UBE2QL1: variants seen among roughly 807,000 people sequenced by gnomAD.
The protein encoded by UBE2QL1 is ubiquitin-conjugating enzyme E2Q-like protein 1.
In UBE2QL1, 5 loss-of-function variants were observed where a neutral mutation model predicts 12.6. That is an observed-to-expected ratio of 0.40 (90% CI 0.21 to 0.83). The LOEUF (loss-of-function observed/expected upper bound fraction) is 0.83, where lower values mean the gene tolerates loss of function less well. Among genes scored for constraint, UBE2QL1 ranks in the 40% least tolerant of loss-of-function variants. UBE2QL1 has a pLI of 0.37. For synonymous variants in UBE2QL1, 96 were observed against 94.5 expected, an observed-to-expected ratio of 1.02 and a Z score of -0.10; for missense variants, 99 against 222.6, an observed-to-expected ratio of 0.44 and a Z score of 3.53.
At position 6,494,240 on chromosome 5, in the gene UBE2QL1, T is replaced by C. The variant is rs952767778; in HGVS notation, c.*2891T>C. ...TGCACATGGTCTGTCTGTAACTTTC[T>C]AGAAGACTGAGAACTGCTTATGCCT... On this transcript the variant is annotated 3_prime_UTR_variant, in exon 2 of 2. Transcript: ENST00000399816. 4 of 152,248 alleles carry C rather than the reference T, an allele frequency of 2.6e-5. No individual in the cohort carries two copies. The highest frequency in any genetic ancestry group is 2.0e-4 in the Admixed American group (3 of 15,282). The allele number at this position is 152,248 out of a possible 1,614,324, so 9.4% of individuals were successfully genotyped here.
intron 1 of UBE2QL1, among the ~76,000 whole-genome samples, chr5:6,463,134 T>G (rs549351700): frequency 6.6e-6 from 1 of 152,370 alleles, no homozygotes; most frequent in South Asian, 2.1e-4. Flanking sequence ...CAGTCTCATT[T>G]ATTTCATTGT....
At chr5:6,473,936 A>G (rs904948703) in intron 1 of UBE2QL1, among the ~76,000 whole-genome samples, 1 of 152,216 alleles carries the variant, frequency 6.6e-6, no homozygotes, top group Non-Finnish European at 1.5e-5. Flanking sequence ...GGCAGTTTTG[A>G]TGACTTACTT....
At chr5:6,485,405 T>G (rs995119236) in intron 1 of UBE2QL1, among the ~76,000 whole-genome samples, 11 of 152,314 alleles carry the variant, frequency 7.2e-5, no homozygotes, top group African/African-American at 2.6e-4. Flanking sequence ...ACATTAAACC[T>G]TAAGAGAAAG....
At chr5:6,484,531 C>A (rs1372197156) in intron 1 of UBE2QL1, among the ~76,000 whole-genome samples, 2 of 152,170 alleles carry the variant, frequency 1.3e-5, no homozygotes, top group Non-Finnish European at 2.9e-5. Context: ...CTACTCGTTG[C>A]AAAGGTTGCC....
chr5:6,453,591 A>G (rs1054329910), intron 1 of UBE2QL1, among the ~76,000 whole-genome samples: 4 of 152,214 alleles, frequency 2.6e-5, no homozygotes, highest in Non-Finnish European at 4.4e-5. Context: ...GGAAACAGTA[A>G]AGGGCTCTGC....
At chr5:6,466,192 C>T (rs1739788635) in intron 1 of UBE2QL1, among the ~76,000 whole-genome samples, 1 of 152,228 alleles carries the variant, frequency 6.6e-6, no homozygotes, top group Non-Finnish European at 1.5e-5. Flanking sequence ...TCTTCCCCTC[C>T]CTGTTTCCTC....
chr5:6,453,771 C>T (rs1391530300), intron 1 of UBE2QL1, among the ~76,000 whole-genome samples: 1 of 152,064 alleles, frequency 6.6e-6, no homozygotes, highest in Non-Finnish European at 1.5e-5. Flanking sequence ...AATACTAGGC[C>T]TAGAAATAGC....
chr5:6,486,618 A>C (rs1734472578), intron 1 of UBE2QL1, among the ~76,000 whole-genome samples: 1 of 152,228 alleles, frequency 6.6e-6, no homozygotes, highest in South Asian at 2.1e-4. Context: ...CATAAGGAGC[A>C]GAATTATTTT....
intron 1 of UBE2QL1, among the ~76,000 whole-genome samples, chr5:6,457,073 G>C (rs10076459): frequency 6.6e-6 from 1 of 151,444 alleles, no homozygotes; most frequent in African/African-American, 2.4e-5. Context: ...GATGCCACCT[G>C]CATGGCTCCT....
intron 1 of UBE2QL1, among the ~76,000 whole-genome samples, chr5:6,457,430 T>G (rs2126328273): frequency 6.6e-6 from 1 of 152,292 alleles, no homozygotes; most frequent in African/African-American, 2.4e-5. Flanking sequence ...CCAGTTTACA[T>G]AATTACAACT....
intron 1 of UBE2QL1, among the ~76,000 whole-genome samples, chr5:6,466,276 C>G (rs1189554375): frequency 6.6e-6 from 1 of 152,244 alleles, no homozygotes; most frequent in Non-Finnish European, 1.5e-5. Context: ...GCGAACTGCT[C>G]AGCACTCAGG....
chr5:6,474,787 T>C (rs547928106), intron 1 of UBE2QL1, among the ~76,000 whole-genome samples: 4 of 152,314 alleles, frequency 2.6e-5, no homozygotes, highest in African/African-American at 9.6e-5. Context: ...TGGTGGGGCA[T>C]CACCTGGAGG....
At chr5:6,486,432 C>A (rs1734469484) in intron 1 of UBE2QL1, among the ~76,000 whole-genome samples, 1 of 152,138 alleles carries the variant, frequency 6.6e-6, no homozygotes, top group Admixed American at 6.6e-5. Flanking sequence ...GACCCCTTGT[C>A]CTCTCCCACC....
chr5:6,455,384 GAAACA>G (rs1464233639), intron 1 of UBE2QL1, among the ~76,000 whole-genome samples: 1 of 152,148 alleles, frequency 6.6e-6, no homozygotes, highest in Non-Finnish European at 1.5e-5. Context: ...TATAGTTCAG[GAAACA>G]AAACAGACAC....
chr5:6,490,287 C>T (rs1316998736), intron 1 of UBE2QL1, among the ~76,000 whole-genome samples: 1 of 152,254 alleles, frequency 6.6e-6, no homozygotes, highest in Non-Finnish European at 1.5e-5. Context: ...CTTCCATCTG[C>T]TCCTCCCCTC....
At chr5:6,457,799 A>T (rs958607975) in intron 1 of UBE2QL1, among the ~76,000 whole-genome samples, 6 of 152,256 alleles carry the variant, frequency 3.9e-5, no homozygotes, top group African/African-American at 1.4e-4. Flanking sequence ...TACCACGTGT[A>T]GCATTATTGT....
Position 6,494,331 on chromosome 5 carries a change from A to G in UBE2QL1, c.*2982A>G, listed in dbSNP as rs948288837. 6.6e-6 allele frequency: 1 copy of G among 152,030 alleles called. No homozygotes were observed. The highest frequency in any genetic ancestry group is 2.4e-5 in the African/African-American group (1 of 41,372). The allele number at this position is 152,030 out of a possible 1,614,324, so 9.4% of individuals were successfully genotyped here. A position where few individuals can be genotyped will look rare whatever the true frequency, so the allele number is the denominator to read the frequency against. ...TACACACACACGCACATGTGCCAAT[A>G]CTCCTGCAAAGACTTGCTGTTTCTA... On this transcript the variant is annotated 3_prime_UTR_variant, in exon 2 of 2. Coordinates refer to ENST00000399816, the MANE Select transcript of UBE2QL1 (RefSeq NM_001145161.3).
In UBE2QL1 at chr5:6,470,751, T is replaced by G. The variant is rs75589617; in HGVS notation, c.355-20467T>G. Among the ~76,000 whole-genome samples the G allele has an allele frequency of 9.3e-3, 1,412 of 152,304 alleles. 9 individuals are homozygous for G. The highest frequency in any genetic ancestry group is 0.013 in the Non-Finnish European group (906 of 68,016). On this transcript the variant is annotated intron_variant, in intron 1 of 1. Transcript: ENST00000399816. ...AGGAGGCCTCCAGTTCTTCCCTCCC[T>G]AAACAACCCACGGGGACTGTCCTGT...
intron 1 of UBE2QL1, among the ~76,000 whole-genome samples, chr5:6,457,585 C>T (rs1739555883): frequency 6.6e-6 from 1 of 152,156 alleles, no homozygotes; most frequent in African/African-American, 2.4e-5. Flanking sequence ...TACTGTGGGT[C>T]AGCTGCTGTG....
Sources: allele counts gnomAD v4.1 joint callset (sites outside exome capture counted in the v4.1 genomes callset), GRCh38; gene constraint gnomAD v4.1.1; transcripts MANE v1.5; gene names NCBI Gene and HGNC (gene_info 2026-07-23, HGNC 2026-07-21).